NR2F1-AS1: variants seen among roughly 807,000 people sequenced by gnomAD.
NR2F1-AS1 encodes NR2F1 antisense RNA 1.
intron 2 of NR2F1-AS1, among the ~76,000 whole-genome samples, chr5:93,556,105 T>C (rs1752347825): frequency 6.6e-6 from 1 of 152,170 alleles, no homozygotes; most frequent in Non-Finnish European, 1.5e-5. Flanking sequence ...ATCAGGACTT[T>C]ATCCCATGTT....
At chr5:93,462,195 T>G (rs1435892192) in intron 4 of NR2F1-AS1, among the ~76,000 whole-genome samples, 2 of 152,174 alleles carry the variant, frequency 1.3e-5, no homozygotes, top group African/African-American at 2.4e-5. Context: ...AATTCCCACA[T>G]GTCATGGGAG....
At chr5:93,437,916 A>C (rs1749477870) in intron 4 of NR2F1-AS1, among the ~76,000 whole-genome samples, 1 of 152,222 alleles carries the variant, frequency 6.6e-6, no homozygotes, top group East Asian at 1.9e-4. Context: ...CATTATGTCC[A>C]AAATGGAAAG....
chr5:93,490,291 T>G (rs903369964), intron 4 of NR2F1-AS1, among the ~76,000 whole-genome samples: 10 of 152,230 alleles, frequency 6.6e-5, no homozygotes, highest in Non-Finnish European at 1.0e-4. Flanking sequence ...ACTCATAGTT[T>G]TCATTAAGAA....
chr5:93,481,676 C>T (rs931496288), intron 4 of NR2F1-AS1, among the ~76,000 whole-genome samples: 1 of 151,926 alleles, frequency 6.6e-6, no homozygotes, highest in Non-Finnish European at 1.5e-5. Context: ...AATTTTCAAT[C>T]GACTTCAAAA....
intron 4 of NR2F1-AS1, among the ~76,000 whole-genome samples, chr5:93,439,574 G>A (rs1435841820): frequency 5.3e-5 from 8 of 152,228 alleles, no homozygotes; most frequent in Admixed American, 2.6e-4. Flanking sequence ...GATTACAGGC[G>A]TGAGCCACTG....
intron 1 of NR2F1-AS1, among the ~76,000 whole-genome samples, chr5:93,577,010 G>A (rs1001767256): frequency 6.6e-6 from 1 of 152,160 alleles, no homozygotes; most frequent in Non-Finnish European, 1.5e-5. Context: ...AATGCATTTA[G>A]ATAGCTAAGA....
chr5:93,428,980 T>G (rs548661232), intron 4 of NR2F1-AS1, among the ~76,000 whole-genome samples: 1 of 152,270 alleles, frequency 6.6e-6, no homozygotes, highest in African/African-American at 2.4e-5. Context: ...CAAATAATAT[T>G]ATGGCTTTGT....
chr5:93,520,873 A>T (rs1751487116), intron 4 of NR2F1-AS1, among the ~76,000 whole-genome samples: 1 of 152,212 alleles, frequency 6.6e-6, no homozygotes, highest in Non-Finnish European at 1.5e-5. Flanking sequence ...AATAAGAATT[A>T]AAATTACAAA....
chr5:93,492,970 G>T (rs1031010241), intron 4 of NR2F1-AS1, among the ~76,000 whole-genome samples: 1 of 152,052 alleles, frequency 6.6e-6, no homozygotes, highest in Non-Finnish European at 1.5e-5. Flanking sequence ...TTTCCCCTAA[G>T]ATCAGGAAGA....
At chr5:93,451,875 G>T (rs1261209042) in intron 4 of NR2F1-AS1, among the ~76,000 whole-genome samples, 1 of 152,114 alleles carries the variant, frequency 6.6e-6, no homozygotes, top group Non-Finnish European at 1.5e-5. Context: ...GAGGGCAGTG[G>T]GCCCTCTGCT....
chr5:93,451,827 G>A (rs986873050), intron 4 of NR2F1-AS1, among the ~76,000 whole-genome samples: 12 of 152,120 alleles, frequency 7.9e-5, no homozygotes, highest in African/African-American at 2.2e-4. Context: ...AAGTATTAGC[G>A]TAATCAAGAC....
chr5:93,484,359 T>C (rs1440296830), intron 4 of NR2F1-AS1, among the ~76,000 whole-genome samples: 1 of 152,128 alleles, frequency 6.6e-6, no homozygotes, highest in African/African-American at 2.4e-5. Flanking sequence ...CTAAGCTTCA[T>C]AAGCAAAGGA....
At chr5:93,448,455 T>A (rs1260443103) in intron 4 of NR2F1-AS1, among the ~76,000 whole-genome samples, 1 of 152,224 alleles carries the variant, frequency 6.6e-6, no homozygotes, top group Non-Finnish European at 1.5e-5. Context: ...GTCTCGTGGC[T>A]CTTTCTCCTT....
chr5:93,575,748 T>C (rs1235614754), intron 1 of NR2F1-AS1, among the ~76,000 whole-genome samples: 1 of 152,170 alleles, frequency 6.6e-6, no homozygotes, highest in East Asian at 1.9e-4. Context: ...TACTTAAATA[T>C]GCCCAGAGAG....
At chr5:93,556,352 T>A (rs573271224) in intron 2 of NR2F1-AS1, among the ~76,000 whole-genome samples, 24 of 152,340 alleles carry the variant, frequency 1.6e-4, no homozygotes, top group African/African-American at 4.8e-4. Flanking sequence ...TGTTCATACA[T>A]GACCCATTTA....
chr5:93,559,267 T>G lies in NR2F1-AS1; in HGVS notation n.413+4097A>C, dbSNP rs538360418. On this transcript the variant is annotated intron_variant and non_coding_transcript_variant, in intron 2 of 5. Coordinates refer to ENST00000660523, the Ensembl canonical transcript of NR2F1-AS1. Reference sequence around the variant, plus strand: ...TGGAAACCACTTCTCTCCTTAAGCCTCATGAACCAACTTCTGCTAGCTTCA... The same window carrying G: ...TGGAAACCACTTCTCTCCTTAAGCCGCATGAACCAACTTCTGCTAGCTTCA... 2.0e-5 allele frequency among the ~76,000 whole-genome samples: 3 copies of G among 152,344 alleles called. 1 individual carries two copies. In the South Asian group the frequency reaches 6.2e-4, roughly 32 times the overall value.
intron 4 of NR2F1-AS1, among the ~76,000 whole-genome samples, chr5:93,451,154 G>C (rs190580497): frequency 2.3e-4 from 35 of 151,580 alleles, no homozygotes; most frequent in Admixed American, 2.2e-3. Context: ...TGATACCCCA[G>C]GTATTTTTAA....
At chr5:93,528,998 T>A (rs1224910750) in intron 4 of NR2F1-AS1, among the ~76,000 whole-genome samples, 4 of 152,302 alleles carry the variant, frequency 2.6e-5, no homozygotes, top group East Asian at 1.9e-4. Flanking sequence ...TATATCTATG[T>A]AACAAACCTG....
intron 4 of NR2F1-AS1, chr5:93,432,573 T>C (rs1749349261): frequency 6.6e-6 from 1 of 152,208 alleles, no homozygotes; most frequent in South Asian, 2.1e-4. Context: ...CCTGGAGCAT[T>C]GGGTTTGGTT....
Sources: allele counts gnomAD v4.1 joint callset (sites outside exome capture counted in the v4.1 genomes callset), GRCh38; gene constraint gnomAD v4.1.1; transcripts MANE v1.5; gene names NCBI Gene and HGNC (gene_info 2026-07-23, HGNC 2026-07-21).